ZNF277: variants seen among roughly 807,000 people sequenced by gnomAD.
The protein encoded by ZNF277 is nuclear receptor-interacting factor 4.
ZNF277 carries 55 observed loss-of-function variants against 60.7 expected under a neutral mutation model. The ratio of observed to expected loss-of-function variants is 0.91; its 90% CI spans 0.73 to 1.13. The LOEUF (loss-of-function observed/expected upper bound fraction) is 1.13, where lower values mean the gene tolerates loss of function less well. Ranked by LOEUF, ZNF277 falls within the 50% of genes most tolerant of loss-of-function variation. The pLI, the probability that ZNF277 is intolerant of heterozygous loss-of-function variation, is 0.00. For missense variants in ZNF277, 510 were observed against 523.0 expected, an observed-to-expected ratio of 0.98 and a Z score of 0.24; for synonymous variants, 178 against 179.3, an observed-to-expected ratio of 0.99 and a Z score of 0.06.
chr7:112,207,186 TCTC>T (rs1451596186), intron 1 of ZNF277, among the ~76,000 whole-genome samples: 1 of 152,182 alleles, frequency 6.6e-6, no homozygotes, highest in East Asian at 1.9e-4. Flanking sequence ...AGCAGCTCTT[TCTC>T]CTCACCAGTA....
At chr7:112,209,475 A>G (rs560634504) in intron 1 of ZNF277, among the ~76,000 whole-genome samples, 1 of 152,270 alleles carries the variant, frequency 6.6e-6, no homozygotes, top group South Asian at 2.1e-4. Context: ...TTTTGATTCC[A>G]GTTTGTTTTC....
chr7:112,278,847 C>A (rs1791878722), intron 1 of ZNF277, among the ~76,000 whole-genome samples: 1 of 152,116 alleles, frequency 6.6e-6, no homozygotes, highest in Admixed American at 6.5e-5. Context: ...ATCTCTAGAA[C>A]TTTTTCATCT....
At chr7:112,251,255 G>A (rs1233939796) in intron 1 of ZNF277, among the ~76,000 whole-genome samples, 1 of 152,166 alleles carries the variant, frequency 6.6e-6, no homozygotes, top group East Asian at 1.9e-4. Context: ...TCCCAGAGAT[G>A]CCTAAGATCC....
At chr7:112,214,962 A>G (rs1285696034) in intron 1 of ZNF277, among the ~76,000 whole-genome samples, 3 of 151,054 alleles carry the variant, frequency 2.0e-5, no homozygotes, top group Non-Finnish European at 4.4e-5. Flanking sequence ...TTCATCAGGA[A>G]AAAAAAAATG....
At chr7:112,272,939 T>G (rs2117041042) in intron 1 of ZNF277, among the ~76,000 whole-genome samples, 1 of 152,346 alleles carries the variant, frequency 6.6e-6, no homozygotes, top group African/African-American at 2.4e-5. Flanking sequence ...TAAAAGCCAT[T>G]TTAACTGGGG....
intron 7 of ZNF277, among the ~76,000 whole-genome samples, chr7:112,335,515 G>A (rs937685948): frequency 7.2e-5 from 11 of 152,020 alleles, no homozygotes; most frequent in Admixed American, 4.6e-4. Context: ...AAGGATAAAA[G>A]GGATTTGAGT....
At chr7:112,301,346 A>G (rs1423673023) in intron 4 of ZNF277, among the ~76,000 whole-genome samples, 1 of 152,016 alleles carries the variant, frequency 6.6e-6, no homozygotes, top group Non-Finnish European at 1.5e-5. Flanking sequence ...TATTGTCTTC[A>G]TGTTCTTAAG....
At chr7:112,305,865 C>CT (rs1188080725) in intron 4 of ZNF277, among the ~76,000 whole-genome samples, 1 of 152,034 alleles carries the variant, frequency 6.6e-6, no homozygotes, top group African/African-American at 2.4e-5. Flanking sequence ...CTAACAGACT[C>CT]TGAGTGCTCA....
chr7:112,228,525 G>A (rs1008674686), intron 1 of ZNF277, among the ~76,000 whole-genome samples: 2 of 116,502 alleles, frequency 1.7e-5, no homozygotes, highest in African/African-American at 3.3e-5. Context: ...CTTTATGGAC[G>A]TTAGGCCTTA....
chr7:112,243,847 CTCA>C (rs1212409195), intron 1 of ZNF277, among the ~76,000 whole-genome samples: 3 of 152,186 alleles, frequency 2.0e-5, no homozygotes, highest in South Asian at 2.1e-4. Flanking sequence ...GATACCTGCA[CTCA>C]TATGTTTATC....
chr7:112,310,454 T>TGAGAGAGAGAGAGA lies in ZNF277; in HGVS notation c.466-7716_466-7703dup, dbSNP rs377447375. 8.6e-4 allele frequency among the ~76,000 whole-genome samples: 101 copies of TGAGAGAGAGAGAGA among 117,278 alleles called. 3 individuals are homozygous for TGAGAGAGAGAGAGA. Among genetic ancestry groups the TGAGAGAGAGAGAGA allele is most frequent in the Middle Eastern group, 4.3e-3 (1 of 232 alleles). The allele number at this position is 117,278 out of a possible 152,430, so 76.9% of individuals were successfully genotyped here. On this transcript the variant is annotated intron_variant, in intron 4 of 11. Coordinates refer to ENST00000361822, the MANE Select transcript of ZNF277 (RefSeq NM_021994.3). ...TTAGGGCCTACCTTTAGGTTAGGTT[T>TGAGAGAGAGAGAGA]GAGAGAGAGAGAGAGAGAGAGAGAG...
intron 4 of ZNF277, among the ~76,000 whole-genome samples, chr7:112,315,728 G>A (rs1164449965): frequency 6.6e-6 from 1 of 152,010 alleles, no homozygotes; most frequent in Admixed American, 6.6e-5. Flanking sequence ...GACCTAGAAA[G>A]TCTTAGAATT....
chr7:112,290,782 G>A (rs1411037969), intron 2 of ZNF277, among the ~76,000 whole-genome samples: 1 of 152,038 alleles, frequency 6.6e-6, no homozygotes, highest in Admixed American at 6.6e-5. Flanking sequence ...AACAATCCAG[G>A]TATTGATTGT....
rs1792920155 is a variant in ZNF277 at position 112,319,291 on chromosome 7, C to T, written c.557+1018C>T. 1.3e-5 allele frequency among the ~76,000 whole-genome samples: 2 copies of T among 152,000 alleles called. 1 individual carries two copies. Among genetic ancestry groups the T allele is most frequent in the South Asian group, 4.1e-4 (2 of 4,826 alleles). Reference sequence around the variant, plus strand: ...CCCCATCTGGAAGCTATGTAGGGTCCTACCATGAGTCTCCTCATTCATATA... The same window carrying T: ...CCCCATCTGGAAGCTATGTAGGGTCTTACCATGAGTCTCCTCATTCATATA... On this transcript the variant is annotated intron_variant, in intron 5 of 11. Coordinates refer to ENST00000361822, the MANE Select transcript of ZNF277 (RefSeq NM_021994.3).
intron 1 of ZNF277, among the ~76,000 whole-genome samples, chr7:112,218,242 T>C (rs1028846855): frequency 6.6e-6 from 1 of 152,182 alleles, no homozygotes; most frequent in Admixed American, 6.5e-5. Context: ...CAGGTAACAA[T>C]GTACTGGAGG....
In ZNF277 at chr7:112,229,362, G is replaced by A. The variant is rs1043090427; in HGVS notation, c.91+22555G>A. 6.6e-5 allele frequency among the ~76,000 whole-genome samples: 10 copies of A among 152,306 alleles called. No individual in the cohort carries two copies. The East Asian group carries it at 1.9e-3, about 29-fold the overall frequency. On this transcript the variant is annotated intron_variant, in intron 1 of 11. Coordinates refer to ENST00000361822, the MANE Select transcript of ZNF277 (RefSeq NM_021994.3). ...CTTGCATACAACACTGCAAAGAAGA[G>A]TCAGATGCCATACAAGGACATTTCA...
intron 1 of ZNF277, among the ~76,000 whole-genome samples, chr7:112,233,131 T>C (rs1435187884): frequency 6.6e-6 from 1 of 152,192 alleles, no homozygotes; most frequent in African/African-American, 2.4e-5. Context: ...AGTTTCTGAT[T>C]TCAGCTCAGA....
intron 1 of ZNF277, among the ~76,000 whole-genome samples, chr7:112,256,435 T>TG (rs1377173440): frequency 6.2e-5 from 9 of 145,742 alleles, no homozygotes; most frequent in African/African-American, 2.0e-4. Flanking sequence ...TTTTTTTTTT[T>TG]TTTTTTTTTT....
chr7:112,312,961 A>G (rs951964614), intron 4 of ZNF277, among the ~76,000 whole-genome samples: 5 of 152,148 alleles, frequency 3.3e-5, no homozygotes, highest in Admixed American at 1.3e-4. Context: ...TATTTTATGT[A>G]TAAGTGAAAA....
Sources: gnomAD v4.1 joint callset for allele counts (sites outside exome capture counted in the v4.1 genomes callset) on GRCh38, gnomAD v4.1.1 for gene constraint, MANE v1.5 for transcripts, NCBI Gene and HGNC (gene_info 2026-07-23, HGNC 2026-07-21) for gene names.